The following OXCT1 variants were observed in gnomAD, a reference collection of about 807,000 sequenced individuals.
OXCT1 encodes 3-oxoacid CoA-transferase 1.
Under a neutral mutation model 69.6 loss-of-function variants are expected in OXCT1, and 27 were observed. The ratio of observed to expected loss-of-function variants is 0.39; its 90% CI spans 0.29 to 0.54. OXCT1 has a LOEUF of 0.54. Among genes scored for constraint, OXCT1 ranks in the 20% least tolerant of loss-of-function variants. The probability of loss-of-function intolerance (pLI) is 0.72; values close to 1 mark genes in which losing one functional copy is unlikely to be tolerated. For synonymous variants in OXCT1, 202 were observed against 217.8 expected, an observed-to-expected ratio of 0.93 and a Z score of 0.64; for missense variants, 437 against 650.2, an observed-to-expected ratio of 0.67 and a Z score of 3.57.
chr5:41,767,760 C>T lies in OXCT1; in HGVS notation c.1249-5560G>A, dbSNP rs536661477. 9.7e-5 allele frequency among the ~76,000 whole-genome samples: 10 copies of T among 102,852 alleles called. No individual in the cohort carries two copies. The East Asian group carries it at 2.6e-3, about 27-fold the overall frequency. The allele number at this position is 102,852 out of a possible 152,430, so 67.5% of individuals were successfully genotyped here. ...TATATATATATATATATAGTGTCTA[C>T]TATATATCTGTCTACATTCCTATAT... On this transcript the variant is annotated intron_variant, in intron 13 of 16. Transcript: ENST00000196371.
At chr5:41,761,008 T>C (rs561822434) in intron 14 of OXCT1, among the ~76,000 whole-genome samples, 4 of 152,254 alleles carry the variant, frequency 2.6e-5, no homozygotes, top group African/African-American at 7.2e-5. Context: ...AAATGAACTG[T>C]CATTTCCACT....
In OXCT1 at chr5:41,848,531, CT is replaced by C. The variant is rs1749032725; in HGVS notation, c.564+1498del. ...AGGCATCACACTACCTGACTTCAAA[CT>C]ATACTACAAGGCTACAGTAACCAAA... is the stretch of plus-strand genomic sequence containing the variant. On this transcript the variant is annotated intron_variant, in intron 5 of 16. Transcript: ENST00000196371. Among the ~76,000 whole-genome samples the C allele has an allele frequency of 2.1e-5, 3 of 145,476 alleles. No individual in the cohort carries two copies. In the South Asian group the frequency reaches 6.6e-4, roughly 32 times the overall value.
At chr5:41,738,835 T>C (rs1189718416) in intron 16 of OXCT1, among the ~76,000 whole-genome samples, 5 of 152,204 alleles carry the variant, frequency 3.3e-5, no homozygotes, top group African/African-American at 1.2e-4. Context: ...CTGACGTATT[T>C]ATCTGCTTTG....
chr5:41,737,500 T>C (rs967869221), intron 16 of OXCT1, among the ~76,000 whole-genome samples: 4 of 152,222 alleles, frequency 2.6e-5, no homozygotes, highest in African/African-American at 7.2e-5. Context: ...AAGAGGTTAA[T>C]TCTTCCACAT....
chr5:41,750,920 A>T (rs569141830), intron 14 of OXCT1, among the ~76,000 whole-genome samples: 5 of 152,256 alleles, frequency 3.3e-5, no homozygotes, highest in Non-Finnish European at 5.9e-5. Flanking sequence ...ATAGATTTTT[A>T]AAAAAACTAT....
chr5:41,868,997 G>A (rs1239549739), intron 1 of OXCT1, among the ~76,000 whole-genome samples: 1 of 152,190 alleles, frequency 6.6e-6, no homozygotes, highest in Non-Finnish European at 1.5e-5. Context: ...AAGAAGGAAC[G>A]TTCCTGACCT....
intron 7 of OXCT1, among the ~76,000 whole-genome samples, chr5:41,819,235 T>A (rs1162644621): frequency 6.6e-6 from 1 of 151,778 alleles, no homozygotes; most frequent in Non-Finnish European, 1.5e-5. Context: ...TTAAGATAAT[T>A]TTTTTTTAGG....
At chr5:41,770,706 TTC>T in intron 13 of OXCT1, among the ~76,000 whole-genome samples, 1 of 152,332 alleles carries the variant, frequency 6.6e-6, no homozygotes, top group Middle Eastern at 3.4e-3. Context: ...AAACTACCAC[TTC>T]TGTTTTCTTT....
chr5:41,798,416 G>A (rs538924440), intron 11 of OXCT1, among the ~76,000 whole-genome samples: 68 of 152,148 alleles, frequency 4.5e-4, no homozygotes, highest in Non-Finnish European at 4.6e-4. Flanking sequence ...CCAGCGGATA[G>A]GGAAACTGTC....
chr5:41,867,968 A>G (rs1342056566), intron 1 of OXCT1, among the ~76,000 whole-genome samples: 2 of 152,224 alleles, frequency 1.3e-5, no homozygotes, highest in Non-Finnish European at 2.9e-5. Context: ...TGAAAGGGGC[A>G]GTCAGTCCCC....
chr5:41,799,144 A>C (rs1018778985), intron 11 of OXCT1, among the ~76,000 whole-genome samples: 1 of 152,180 alleles, frequency 6.6e-6, no homozygotes, highest in African/African-American at 2.4e-5. Flanking sequence ...AATTTTTATC[A>C]TACCAATTAT....
intron 11 of OXCT1, among the ~76,000 whole-genome samples, chr5:41,795,343 T>G (rs1746128757): frequency 6.6e-6 from 1 of 152,132 alleles, no homozygotes; most frequent in African/African-American, 2.4e-5. Context: ...GCCCAGGGGT[T>G]AGGGACCCCT....
chr5:41,861,270 T>C (rs781552583), intron 3 of OXCT1, 44 bp downstream of exon 3: 1 of 1,161,936 alleles, frequency 8.6e-7, no homozygotes, highest in African/African-American at 1.5e-5. Context: ...ATATTAAGAA[T>C]TGGCATTTCT....
intron 7 of OXCT1, among the ~76,000 whole-genome samples, chr5:41,809,920 T>A (rs1348699028): frequency 2.0e-5 from 3 of 152,046 alleles, no homozygotes; most frequent in Non-Finnish European, 4.4e-5. Context: ...AAAATGCATG[T>A]GCAGCATTTG....
intron 8 of OXCT1, among the ~76,000 whole-genome samples, chr5:41,806,912 C>A (rs998430782): frequency 6.6e-6 from 1 of 152,024 alleles, no homozygotes; most frequent in South Asian, 2.1e-4. Flanking sequence ...ATTAGAATGA[C>A]ATTCTACACT....
At chr5:41,777,407 C>T (rs1362784493) in intron 13 of OXCT1, among the ~76,000 whole-genome samples, 1 of 152,116 alleles carries the variant, frequency 6.6e-6, no homozygotes, top group African/African-American at 2.4e-5. Flanking sequence ...CAAAGTGAGA[C>T]TCTGTCTTAA....
chr5:41,771,854 C>A (rs1315638975), intron 13 of OXCT1, among the ~76,000 whole-genome samples: 1 of 152,122 alleles, frequency 6.6e-6, no homozygotes, highest in Non-Finnish European at 1.5e-5. Context: ...GAGAGAAATG[C>A]ATTAGAATCA....
intron 13 of OXCT1, among the ~76,000 whole-genome samples, chr5:41,770,037 G>A (rs527668963): frequency 6.6e-6 from 1 of 152,356 alleles, no homozygotes; most frequent in South Asian, 2.1e-4. Context: ...TGGGATTACA[G>A]GCGTGAGCCA....
At chr5:41,819,540 T>C (rs1393592648) in intron 7 of OXCT1, among the ~76,000 whole-genome samples, 2 of 152,156 alleles carry the variant, frequency 1.3e-5, no homozygotes, top group Admixed American at 6.5e-5. Context: ...CAACTAATTT[T>C]TGTATTTTTA....
Sources: allele counts gnomAD v4.1 joint callset (sites outside exome capture counted in the v4.1 genomes callset), GRCh38; gene constraint gnomAD v4.1.1; transcripts MANE v1.5; gene names NCBI Gene and HGNC (gene_info 2026-07-23, HGNC 2026-07-21).